The following AKAIN1 variants were observed in gnomAD, a reference collection of about 807,000 sequenced individuals.
AKAIN1 encodes A-kinase anchor protein inhibitor 1.
In AKAIN1, 3 loss-of-function variants were observed where a neutral mutation model predicts 3.7. The ratio of observed to expected loss-of-function variants is 0.82; its 90% CI spans 0.37 to 2.12. The LOEUF is 2.12. AKAIN1 is among the 30% of genes most tolerant of loss of function. The pLI, the probability that AKAIN1 is intolerant of heterozygous loss-of-function variation, is 0.06. For missense variants in AKAIN1, 82 were observed against 82.7 expected, an observed-to-expected ratio of 0.99 and a Z score of 0.03; for synonymous variants, 31 against 30.8, an observed-to-expected ratio of 1.01 and a Z score of -0.02.
intron 1 of AKAIN1, among the ~76,000 whole-genome samples, chr18:5,196,187 G>A (rs1258524882): frequency 1.3e-5 from 2 of 152,146 alleles, no homozygotes; most frequent in Non-Finnish European, 2.9e-5. Context: ...AGTCTTTAAC[G>A]AAATCAGACC....
intron 1 of AKAIN1, among the ~76,000 whole-genome samples, chr18:5,173,072 A>AAATAAAG (rs1365630988): frequency 1.3e-5 from 2 of 152,168 alleles, no homozygotes; most frequent in Non-Finnish European, 2.9e-5. Flanking sequence ...GTAATGTGCA[A>AAATAAAG]AATAAAGAGC....
chr18:5,191,227 A>G (rs748896261), intron 1 of AKAIN1, among the ~76,000 whole-genome samples: 1 of 152,168 alleles, frequency 6.6e-6, no homozygotes, highest in Non-Finnish European at 1.5e-5. Flanking sequence ...ACTTTTTTCA[A>G]AGTACCTGCC....
chr18:5,195,376 T>C (rs1015937439), intron 1 of AKAIN1, among the ~76,000 whole-genome samples: 1 of 152,188 alleles, frequency 6.6e-6, no homozygotes, highest in Non-Finnish European at 1.5e-5. Flanking sequence ...TCACTCACGA[T>C]CTTGCTTTTA....
In AKAIN1 at chr18:5,153,663, A is replaced by G. The variant is rs575097987; in HGVS notation, c.17-7908T>C. ...GATTTCATATCTAGATCTGAAAAGT[A>G]AAATAATTTGGAGCACAGAGGATTT... On this transcript the variant is annotated intron_variant, in intron 1 of 1. Coordinates refer to ENST00000434239, the MANE Select transcript of AKAIN1 (RefSeq NM_001145194.2). Among the ~76,000 whole-genome samples the G allele has an allele frequency of 7.2e-5, 11 of 152,368 alleles. No individual in the cohort carries two copies. The South Asian group carries it at 2.3e-3, about 32-fold the overall frequency.
intron 1 of AKAIN1, among the ~76,000 whole-genome samples, chr18:5,163,495 A>C (rs757790172): frequency 2.0e-4 from 30 of 152,096 alleles, no homozygotes; most frequent in Non-Finnish European, 3.8e-4. Flanking sequence ...CTATTCTGAT[A>C]ATTTTTGACT....
chr18:5,148,384 A>C (rs555093436), intron 1 of AKAIN1, among the ~76,000 whole-genome samples: 10 of 152,326 alleles, frequency 6.6e-5, no homozygotes, highest in African/African-American at 2.4e-4. Context: ...TGTGGGACCA[A>C]AAGAGAGCAA....
intron 1 of AKAIN1, among the ~76,000 whole-genome samples, chr18:5,176,377 T>C (rs1259495984): frequency 6.6e-6 from 1 of 152,000 alleles, no homozygotes; most frequent in Non-Finnish European, 1.5e-5. Flanking sequence ...GAGGTGGAGA[T>C]TGCAGTAAGC....
chr18:5,173,031 T>G (rs938571023), intron 1 of AKAIN1, among the ~76,000 whole-genome samples: 1 of 152,162 alleles, frequency 6.6e-6, no homozygotes, highest in Non-Finnish European at 1.5e-5. Flanking sequence ...TTAAAAATTA[T>G]TGAATCATTA....
chr18:5,175,635 A>G (rs1357526891), intron 1 of AKAIN1, among the ~76,000 whole-genome samples: 1 of 152,198 alleles, frequency 6.6e-6, no homozygotes, highest in Non-Finnish European at 1.5e-5. Flanking sequence ...AAAACGGTTC[A>G]GTAAGTTTAT....
intron 1 of AKAIN1, among the ~76,000 whole-genome samples, chr18:5,146,690 A>G (rs1194248046): frequency 6.6e-6 from 1 of 152,230 alleles, no homozygotes; most frequent in African/African-American, 2.4e-5. Context: ...AGGGATTGGC[A>G]AACTTTTCTT....
chr18:5,184,514 C>T lies in AKAIN1; in HGVS notation c.16+12524G>A, dbSNP rs532660424. ...CAAAGTTCAGGATACAAAATCCATGCATGAAAACCAGTAGCATCTCTATAC... is the reference window on the plus strand; with the variant it reads ...CAAAGTTCAGGATACAAAATCCATGTATGAAAACCAGTAGCATCTCTATAC... On this transcript the variant is annotated intron_variant, in intron 1 of 1. Coordinates refer to ENST00000434239, the MANE Select transcript of AKAIN1 (RefSeq NM_001145194.2). Among the ~76,000 whole-genome samples, 4 of 151,984 alleles carry T rather than the reference C, an allele frequency of 2.6e-5. No individual in the cohort carries two copies. The South Asian group carries it at 8.3e-4, about 32-fold the overall frequency.
Position 5,145,524 on chromosome 18 carries a change from T to C in AKAIN1, c.*38A>G. On this transcript the variant is annotated 3_prime_UTR_variant, in exon 2 of 2. Coordinates refer to ENST00000434239, the MANE Select transcript of AKAIN1 (RefSeq NM_001145194.2). ...ATGCGTCCTATACTAAGAGGAAGGC[T>C]AGAAACCAAGCACATGTCAAGAGCC... 6.5e-7 allele frequency: 1 copy of C among 1,530,548 alleles called. No individual in the cohort carries two copies. 94.8% of individuals were successfully genotyped at this position (1,530,548 alleles called of 1,614,324 possible).
chr18:5,197,136 G>A lies in AKAIN1; in HGVS notation c.-83C>T. 1 of 1,544,206 alleles carries A rather than the reference G, an allele frequency of 6.5e-7. No homozygotes were observed. The highest frequency in any genetic ancestry group is 8.7e-7 in the Non-Finnish European group (1 of 1,146,292). ...TGGGAAGAAGGCCGGACTTGGCGGG[G>A]TCCGGTGCAGGAGGGCGCGCTGGGC... On this transcript the variant is annotated 5_prime_UTR_variant, in exon 1 of 2. Coordinates refer to ENST00000434239, the MANE Select transcript of AKAIN1 (RefSeq NM_001145194.2). The surrounding 1 kb of genome is among the most constrained non-coding windows in gnomAD (Gnocchi z 6.9).
intron 1 of AKAIN1, among the ~76,000 whole-genome samples, chr18:5,147,291 G>C (rs905591849): frequency 3.3e-5 from 5 of 151,978 alleles, no homozygotes; most frequent in African/African-American, 1.2e-4. Context: ...TTTTATGTTA[G>C]AAAAAAGTAA....
At chr18:5,183,717 A>G (rs2071271857) in intron 1 of AKAIN1, among the ~76,000 whole-genome samples, 1 of 152,162 alleles carries the variant, frequency 6.6e-6, no homozygotes, top group Non-Finnish European at 1.5e-5. Context: ...TAATTAGATC[A>G]TATGAAACCA....
intron 1 of AKAIN1, among the ~76,000 whole-genome samples, chr18:5,194,747 G>T (rs2071338610): frequency 6.6e-6 from 1 of 152,130 alleles, no homozygotes; most frequent in South Asian, 2.1e-4. Context: ...TTAATTTATT[G>T]TTATATTCAT....
intron 1 of AKAIN1, among the ~76,000 whole-genome samples, chr18:5,181,955 T>A (rs2071261077): frequency 6.6e-6 from 1 of 152,108 alleles, no homozygotes; most frequent in African/African-American, 2.4e-5. Flanking sequence ...CAGAAAATCA[T>A]CATTCAGGGC....
intron 1 of AKAIN1, among the ~76,000 whole-genome samples, chr18:5,194,128 T>C (rs543237111): frequency 8.1e-4 from 124 of 152,294 alleles, no homozygotes; most frequent in African/African-American, 2.8e-3. Flanking sequence ...TATATATGTA[T>C]ACTTTATACC....
In AKAIN1 at chr18:5,186,628, T is replaced by C. The variant is rs1462474520; in HGVS notation, c.16+10410A>G. Among the ~76,000 whole-genome samples, 3 of 152,128 alleles carry C rather than the reference T, an allele frequency of 2.0e-5. No homozygotes were observed. The East Asian group carries it at 5.8e-4, about 29-fold the overall frequency. ...AGTACTCCTCTTCTAGTAATTAATA[T>C]GCCAAGTAGGCTGAATATCAGTAAG... On this transcript the variant is annotated intron_variant, in intron 1 of 1. Transcript: ENST00000434239.
Sources: gnomAD v4.1 joint callset for allele counts (sites outside exome capture counted in the v4.1 genomes callset) on GRCh38, gnomAD v4.1.1 for gene constraint, Gnocchi (gnomAD v3.1) non-coding constraint, MANE v1.5 for transcripts, NCBI Gene and HGNC (gene_info 2026-07-23, HGNC 2026-07-21) for gene names.